ADAMTS6: variants seen among roughly 807,000 people sequenced by gnomAD.
ADAMTS6 encodes the protein A disintegrin and metalloproteinase with thrombospondin motifs 6.
In ADAMTS6, 23 loss-of-function variants were observed where a neutral mutation model predicts 144.3. That is an observed-to-expected ratio of 0.16 (90% confidence interval 0.11 to 0.23). The LOEUF is 0.23. Ranked by LOEUF, ADAMTS6 falls within the 10% of genes least tolerant of loss-of-function variation. The probability of loss-of-function intolerance (pLI) is 1.00; values close to 1 mark genes in which losing one functional copy is unlikely to be tolerated. For missense variants in ADAMTS6, 999 were observed against 1,379.6 expected (o/e 0.72, Z 4.37); for synonymous variants, 444 against 457.5 (o/e 0.97, Z 0.38).
rs1008132014 is a variant in ADAMTS6, at chr5:65,317,973, G to A, written c.1223+11405C>T. Among the ~76,000 whole-genome samples the A allele has an allele frequency of 1.2e-4, 18 of 151,706 alleles. No homozygotes were observed. In the South Asian group the frequency reaches 3.5e-3, roughly 30 times the overall value. ...CCCTGTAGTCCCAGCTACTCAGGAGGCTGAGGCAGGAGAATGGCGTGAACC... is the reference window on the plus strand; with the variant it reads ...CCCTGTAGTCCCAGCTACTCAGGAGACTGAGGCAGGAGAATGGCGTGAACC... On this transcript the variant is annotated intron_variant, in intron 9 of 24. Coordinates refer to ENST00000381055, the MANE Select transcript of ADAMTS6 (RefSeq NM_197941.4).
intron 7 of ADAMTS6, among the ~76,000 whole-genome samples, chr5:65,412,654 G>C (rs1755149230): frequency 6.6e-6 from 1 of 152,086 alleles, no homozygotes; most frequent in African/African-American, 2.4e-5. Flanking sequence ...GCAATAAAAT[G>C]ATCCATATAG....
chr5:65,394,155 A>C (rs1232251012), intron 7 of ADAMTS6, among the ~76,000 whole-genome samples: 3 of 152,190 alleles, frequency 2.0e-5, no homozygotes, highest in African/African-American at 7.2e-5. Flanking sequence ...GTAGTGTCAG[A>C]GGCTAAGTCT....
chr5:65,162,604 G>T (rs1752842458), intron 24 of ADAMTS6, among the ~76,000 whole-genome samples: 1 of 141,266 alleles, frequency 7.1e-6, no homozygotes, highest in Non-Finnish European at 1.5e-5. Context: ...CTTGTTGTCA[G>T]GATTATATAA....
intron 7 of ADAMTS6, among the ~76,000 whole-genome samples, chr5:65,357,842 C>A (rs892352251): frequency 5.9e-5 from 9 of 151,612 alleles, no homozygotes; most frequent in Non-Finnish European, 1.0e-4. Context: ...AATCAGTAAT[C>A]AAAAAAACTC....
intron 12 of ADAMTS6, among the ~76,000 whole-genome samples, chr5:65,264,240 C>T (rs1761433950): frequency 1.3e-5 from 2 of 152,096 alleles, no homozygotes; most frequent in East Asian, 1.9e-4. Flanking sequence ...TTCCTATTTC[C>T]ATAACACTGA....
intron 18 of ADAMTS6, among the ~76,000 whole-genome samples, chr5:65,220,157 A>C (rs1046090228): frequency 1.2e-4 from 18 of 152,222 alleles, no homozygotes; most frequent in Admixed American, 3.3e-4. Flanking sequence ...TTTTCTGTCC[A>C]AAATACAATT....
intron 16 of ADAMTS6, among the ~76,000 whole-genome samples, chr5:65,225,293 A>T (rs935307137): frequency 6.6e-6 from 1 of 152,236 alleles, no homozygotes; most frequent in Non-Finnish European, 1.5e-5. Context: ...ACACACAAAT[A>T]TCATACACAA....
intron 7 of ADAMTS6, among the ~76,000 whole-genome samples, chr5:65,370,251 T>C (rs1400025640): frequency 2.0e-5 from 3 of 151,884 alleles, no homozygotes; most frequent in Non-Finnish European, 4.4e-5. Context: ...CTACTAAAAA[T>C]ACAATAATTA....
chr5:65,435,259 G>T (rs1757300773), intron 7 of ADAMTS6, among the ~76,000 whole-genome samples: 1 of 152,132 alleles, frequency 6.6e-6, no homozygotes, highest in African/African-American at 2.4e-5. Flanking sequence ...TACAAACGTG[G>T]ATAGGGAGGA....
At chr5:65,261,562 T>C (rs1448617815) in intron 13 of ADAMTS6, among the ~76,000 whole-genome samples, 1 of 152,228 alleles carries the variant, frequency 6.6e-6, no homozygotes, top group Non-Finnish European at 1.5e-5. Flanking sequence ...TAATTTTGGC[T>C]CACTGGTATC....
At chr5:65,340,159 T>TA (rs1259501883) in intron 7 of ADAMTS6, among the ~76,000 whole-genome samples, 6 of 152,004 alleles carry the variant, frequency 3.9e-5, no homozygotes, top group African/African-American at 1.2e-4. Flanking sequence ...AAATCACCAT[T>TA]AGACTAACAG....
intron 7 of ADAMTS6, among the ~76,000 whole-genome samples, chr5:65,425,376 C>A (rs975037886): frequency 2.6e-5 from 4 of 152,060 alleles, no homozygotes; most frequent in Admixed American, 2.6e-4. Flanking sequence ...TTTTTTCCTA[C>A]CTAATGGATT....
At chr5:65,297,186 A>G in intron 10 of ADAMTS6, 1 of 455,768 alleles carries the variant, frequency 2.2e-6, no homozygotes, top group South Asian at 1.6e-5. Flanking sequence ...TTATTATTTA[A>G]TCAGGACGGC....
At chr5:65,231,077 A>G (rs1013315444) in intron 15 of ADAMTS6, among the ~76,000 whole-genome samples, 1 of 151,434 alleles carries the variant, frequency 6.6e-6, no homozygotes, top group Non-Finnish European at 1.5e-5. Flanking sequence ...AAATTCTACA[A>G]TGAAAAACAA....
At chr5:65,416,424 G>A (rs1755515940) in intron 7 of ADAMTS6, among the ~76,000 whole-genome samples, 1 of 152,086 alleles carries the variant, frequency 6.6e-6, no homozygotes, top group African/African-American at 2.4e-5. Flanking sequence ...ATATGACCCA[G>A]CACTTCCATT....
chr5:65,221,992 TG>T (rs1470993506), intron 18 of ADAMTS6, among the ~76,000 whole-genome samples: 2 of 152,104 alleles, frequency 1.3e-5, no homozygotes, highest in Non-Finnish European at 2.9e-5. Flanking sequence ...CCTAAATAAA[TG>T]TAGAGGTAAA....
Position 65,450,355 on chromosome 5 carries a change from G to A in ADAMTS6, c.1073+1120C>T, listed in dbSNP as rs148933231. ...ATTTCACTGTATGACTCAGTTACCC[G>A]GGAACTTTTTCTAAAGTTTACATTA... On this transcript the variant is annotated intron_variant, in intron 7 of 24. Transcript: ENST00000381055. 1.2e-3 allele frequency among the ~76,000 whole-genome samples: 179 copies of A among 152,084 alleles called. 1 individual carries two copies. The highest frequency in any genetic ancestry group is 1.6e-3 in the Non-Finnish European group (107 of 67,980).
chr5:65,345,672 A>C (rs188864009), intron 7 of ADAMTS6, among the ~76,000 whole-genome samples: 86 of 151,936 alleles, frequency 5.7e-4, no homozygotes, highest in African/African-American at 2.0e-3. Flanking sequence ...TCATTCTTTT[A>C]CACCATTGGA....
intron 10 of ADAMTS6, among the ~76,000 whole-genome samples, chr5:65,292,892 C>G (rs76532477): frequency 0.016 from 2,383 of 152,158 alleles, 58 homozygotes; most frequent in African/African-American, 0.055. Context: ...CCCAGCTATC[C>G]AGTTTTCATA....
Sources: allele counts gnomAD v4.1 joint callset (sites outside exome capture counted in the v4.1 genomes callset), GRCh38; gene constraint gnomAD v4.1.1; transcripts MANE v1.5; gene names NCBI Gene and HGNC (gene_info 2026-07-23, HGNC 2026-07-21).